The following FDFT1 variants were observed in gnomAD, a reference collection of about 807,000 sequenced individuals.
FDFT1 encodes the protein farnesyl-diphosphate farnesyltransferase 1, also known as squalene synthase.
Under a neutral mutation model 46.8 loss-of-function variants are expected in FDFT1, and 68 were observed. The observed-to-expected ratio is 1.45, with a 90% confidence interval of 1.19 to 1.78. FDFT1 has a LOEUF of 1.78. FDFT1 is among the 40% of genes most tolerant of loss of function. The pLI is 0.00. For missense variants in FDFT1, 928 were observed against 524.4 expected, an observed-to-expected ratio of 1.77 and a Z score of -7.52; for synonymous variants, 351 against 185.1, an observed-to-expected ratio of 1.90 and a Z score of -7.28.
chr8:11,802,777 C>A lies in FDFT1; in HGVS notation c.-56C>A, dbSNP rs953987839. 5.7e-6 allele frequency: 8 copies of A among 1,404,180 alleles called. No homozygotes were observed. The highest frequency in any genetic ancestry group is 1.8e-4 in the Middle Eastern group (1 of 5,480). The allele number at this position is 1,404,180 out of a possible 1,614,324, so 87.0% of individuals were successfully genotyped here. A position where few individuals can be genotyped will look rare whatever the true frequency, so the allele number is the denominator to read the frequency against. ...TCCACAGGTCCAGCCGGCCGGTGAG[C>A]GCCTGGGGACCGCAGAGGTGAGAGT... On this transcript the variant is annotated 5_prime_UTR_variant, in exon 1 of 8. Transcript: ENST00000220584.
chr8:11,827,095 T>A (rs1362708827), intron 5 of FDFT1, among the ~76,000 whole-genome samples: 1 of 152,196 alleles, frequency 6.6e-6, no homozygotes, highest in African/African-American at 2.4e-5. Flanking sequence ...GTAGAAAATT[T>A]TATGACTGTT....
intron 1 of FDFT1, among the ~76,000 whole-genome samples, chr8:11,804,280 GTC>G (rs369239736): frequency 2.6e-4 from 39 of 152,328 alleles, no homozygotes; most frequent in African/African-American, 9.1e-4. Flanking sequence ...ATTCCTCTAT[GTC>G]TCTTTCCTTT....
rs140063318 is a variant in FDFT1 at position 11,830,296 on chromosome 8, T to C, written c.755T>C (p.Ile252Thr). 4.6e-5 allele frequency: 75 copies of C among 1,613,912 alleles called. No homozygotes were observed. The highest frequency in any genetic ancestry group is 6.1e-5 in the Non-Finnish European group (72 of 1,179,908). ...GGGGATTTTGCTAAGCCGGAGAATA[T>C]TGACTTGGCCGTGCAGTGCCTGAAT... ...KLGDFAKPEN[I>T]DLAVQCLNEL... The change falls in exon 6 of 8, where the codon ATT (isoleucine) becomes ACT (threonine). Residue 252 changes from isoleucine (I) to threonine (T), a missense_variant. Ile to Thr is a moderately conservative substitution (Grantham distance 89, BLOSUM62 -1). Transcript: ENST00000220584.
At chr8:11,834,941 T>A (rs986056682) in intron 7 of FDFT1, among the ~76,000 whole-genome samples, 2 of 152,170 alleles carry the variant, frequency 1.3e-5, no homozygotes, top group Non-Finnish European at 2.9e-5. Context: ...CTGGCCAATA[T>A]GGCAAAACCC....
chr8:11,809,304 A>G (rs1807373226), intron 2 of FDFT1: 2 of 1,093,832 alleles, frequency 1.8e-6, no homozygotes, highest in Non-Finnish European at 2.2e-6. Context: ...GTATGATCGT[A>G]TTTATACTGA....
At chr8:11,796,469 C>A (rs1000355446) in intron 1 of FDFT1, among the ~76,000 whole-genome samples, 7 of 152,136 alleles carry the variant, frequency 4.6e-5, no homozygotes, top group African/African-American at 1.7e-4. Context: ...AAAGATCAGC[C>A]CAATGAACAC....
At chr8:11,833,172 A>G (rs1441694572) in intron 7 of FDFT1, among the ~76,000 whole-genome samples, 4 of 152,190 alleles carry the variant, frequency 2.6e-5, no homozygotes, top group Non-Finnish European at 5.9e-5. Flanking sequence ...GACCCAAAAA[A>G]TTGCTACCAA....
Position 11,802,843 on chromosome 8 carries a change from T to A in FDFT1, c.11T>A (p.Val4Glu). 6.2e-7 allele frequency: 1 copy of A among 1,610,082 alleles called. No individual in the cohort carries two copies. Among genetic ancestry groups the A allele is most frequent in the Non-Finnish European group, 8.5e-7 (1 of 1,177,926 alleles). The change falls in exon 1 of 8, where the codon GTG becomes GAG. Residue 4 changes from valine (V) to glutamate (E), a missense_variant. Coordinates refer to ENST00000220584, the MANE Select transcript of FDFT1 (RefSeq NM_004462.5). ...GCCGCCTGCGCCAGGATGGAGTTCG[T>A]GAAATGCCTTGGCCACCCCGAAGAG... MEFVKCLGHPEEFY... is the reference protein window; with the variant it reads MEFEKCLGHPEEFY...
intron 4 of FDFT1, among the ~76,000 whole-genome samples, chr8:11,822,101 G>T (rs991617624): frequency 1.3e-5 from 2 of 152,208 alleles, no homozygotes; most frequent in African/African-American, 2.4e-5. Flanking sequence ...GGGTACTGGA[G>T]AGAAGTGCTT....
rs1240677490 is a variant in FDFT1 at position 11,838,870 on chromosome 8, C to T, written c.*261C>T. 4.8e-5 allele frequency: 23 copies of T among 481,652 alleles called. 2 individuals are homozygous for T. In the East Asian group the frequency reaches 6.0e-4, roughly 13 times the overall value. The allele number at this position is 481,652 out of a possible 1,614,324, so 29.8% of individuals were successfully genotyped here. A position where few individuals can be genotyped will look rare whatever the true frequency, so the allele number is the denominator to read the frequency against. On this transcript the variant is annotated 3_prime_UTR_variant, in exon 8 of 8. Transcript: ENST00000220584. ...GCTCATGGCAGAGCATTCAGTGCCA[C>T]GGTTTAGGTGAAGTCGCTGCATATG...
chr8:11,809,628 G>C (rs763584795), intron 2 of FDFT1, 39 bp from the exon 3 acceptor site: 3 of 1,534,040 alleles, frequency 2.0e-6, no homozygotes, highest in Admixed American at 2.1e-5. Context: ...ATCTTTGGCT[G>C]TTTGTTCCAA....
chr8:11,810,310 C>G (rs947743125), intron 3 of FDFT1, among the ~76,000 whole-genome samples: 6 of 152,192 alleles, frequency 3.9e-5, no homozygotes, highest in Non-Finnish European at 8.8e-5. Flanking sequence ...TGCAGCCTAC[C>G]TGTAACACTG....
chr8:11,826,429 T>C (rs543947097), intron 5 of FDFT1, among the ~76,000 whole-genome samples: 8 of 152,338 alleles, frequency 5.3e-5, no homozygotes, highest in African/African-American at 1.9e-4. Context: ...ATTCAAGCCT[T>C]GCTGTCCTTG....
At chr8:11,807,405 C>T (rs893590685) in intron 1 of FDFT1, among the ~76,000 whole-genome samples, 2 of 152,210 alleles carry the variant, frequency 1.3e-5, no homozygotes, top group Non-Finnish European at 2.9e-5. Context: ...TCAAGTGATT[C>T]TCCCACCTTG....
At chr8:11,814,011 A>T (rs916026319) in intron 3 of FDFT1, among the ~76,000 whole-genome samples, 3 of 152,330 alleles carry the variant, frequency 2.0e-5, no homozygotes, top group Middle Eastern at 3.4e-3. Flanking sequence ...TAAATAATAA[A>T]AAGTCGTTGG....
intron 3 of FDFT1, among the ~76,000 whole-genome samples, chr8:11,820,396 A>C (rs1293299): frequency 0.19 from 28,249 of 152,140 alleles, 2,742 homozygotes; most frequent in Middle Eastern, 0.26. Flanking sequence ...TCAGGCAGGG[A>C]TGTTTAAATC....
At chr8:11,803,508 G>T in intron 1 of FDFT1, 6 of 1,218,278 alleles carry the variant, frequency 4.9e-6, no homozygotes, top group Non-Finnish European at 6.3e-6. Flanking sequence ...TAGCTAGGTG[G>T]TTGGTGGAAG....
chr8:11,799,681 C>G (rs1805905355), upstream of FDFT1, among the ~76,000 whole-genome samples: 1 of 152,256 alleles, frequency 6.6e-6, no homozygotes, highest in Non-Finnish European at 1.5e-5. Context: ...GGAGCCGTGG[C>G]TCACGCCTGT....
At chr8:11,811,865 C>T (rs1249300917) in intron 3 of FDFT1, among the ~76,000 whole-genome samples, 3 of 152,276 alleles carry the variant, frequency 2.0e-5, no homozygotes, top group African/African-American at 7.2e-5. Context: ...GTTGTAGGTC[C>T]CTCCAGTCTG....
Sources: allele counts gnomAD v4.1 joint callset (sites outside exome capture counted in the v4.1 genomes callset), GRCh38; gene constraint gnomAD v4.1.1; transcripts MANE v1.5; gene names NCBI Gene and HGNC (gene_info 2026-07-23, HGNC 2026-07-21).